The following CYP27C1 variants were observed in gnomAD, a reference collection of about 807,000 sequenced individuals.
The protein encoded by CYP27C1 is cytochrome P450 27C1.
Under a neutral mutation model 40.6 loss-of-function variants are expected in CYP27C1, and 29 were observed. The ratio of observed to expected loss-of-function variants is 0.71; its 90% CI spans 0.53 to 0.97. The LOEUF is 0.97. Among genes scored for constraint, CYP27C1 ranks in the 50% least tolerant of loss-of-function variants. The pLI, the probability that CYP27C1 is intolerant of heterozygous loss-of-function variation, is 0.00. For missense variants in CYP27C1, 390 were observed against 485.8 expected (o/e 0.80, Z 1.85); for synonymous variants, 198 against 186.8 (o/e 1.06, Z -0.49).
Position 127,204,616 on chromosome 2 carries a change from A to G in CYP27C1, c.474-1045T>C, listed in dbSNP as rs983292214. On this transcript the variant is annotated intron_variant, in intron 2 of 8. Transcript: ENST00000664447. ...AAGAAAGAAAGAAAGAAAGAAAGAAAGAAAGAAAGAAGACTGCAGCTTGTT... is the reference window on the plus strand; with the variant it reads ...AAGAAAGAAAGAAAGAAAGAAAGAAGGAAAGAAAGAAGACTGCAGCTTGTT... 9.9e-4 allele frequency among the ~76,000 whole-genome samples: 103 copies of G among 103,614 alleles called. 2 individuals are homozygous for G. In the South Asian group the frequency reaches 1.0e-2, roughly 10 times the overall value. 68.0% of individuals were successfully genotyped at this position (103,614 alleles called of 152,430 possible).
chr2:127,193,994 T>C, intron 6 of CYP27C1, 127 bp from the exon 7 acceptor site: 6 of 1,058,008 alleles, frequency 5.7e-6, no homozygotes, highest in Non-Finnish European at 4.1e-6. Context: ...TGGTACATTT[T>C]CAACTGAAAC....
chr2:127,193,103 G>A lies in CYP27C1; in HGVS notation c.1488C>T (p.Val496=), dbSNP rs193171017. 4.3e-5 allele frequency: 69 copies of A among 1,614,132 alleles called. 1 individual carries two copies. In the Middle Eastern group the frequency reaches 4.9e-4, roughly 12 times the overall value. The change falls in exon 8 of 9, where the codon GTC becomes GTT. Residue 496 remains valine, a synonymous_variant. Coordinates refer to ENST00000664447, the MANE Select transcript of CYP27C1 (RefSeq NM_001367502.1). ...RRIAELEIHL[V]VIQLLQHFEI... ...GGCCTCCACGCCCTACCTGGATCAC[G>A]ACGAGGTGAATCTCCAGTTCTGCAA...
At chr2:127,214,895 G>A (rs1683401210) in intron 1 of CYP27C1, among the ~76,000 whole-genome samples, 1 of 148,920 alleles carries the variant, frequency 6.7e-6, no homozygotes. Flanking sequence ...CTGGGAGGCC[G>A]AGGTGGGCAG....
At chr2:127,190,636 G>A (rs1044372549) in intron 8 of CYP27C1, among the ~76,000 whole-genome samples, 16 of 149,780 alleles carry the variant, frequency 1.1e-4, no homozygotes, top group African/African-American at 3.9e-4. Context: ...CACAGTGCCT[G>A]GCTTTTTTCT....
At chr2:127,215,162 A>G (rs933467024) in intron 1 of CYP27C1, among the ~76,000 whole-genome samples, 24 of 151,976 alleles carry the variant, frequency 1.6e-4, no homozygotes, top group African/African-American at 5.6e-4. Context: ...GTACAAAGCT[A>G]CAGTAACCAA....
rs199549525 is a variant in CYP27C1, at chr2:127,203,477, C to G, written c.568G>C (p.Val190Leu). ...VAIYSGEVNQVIADLIKRIYL... is the reference protein window; with the variant it reads ...VAIYSGEVNQLIADLIKRIYL... ...ATTCTTTTAATTAAGTCAGCAATAA[C>G]TTGGTTGACTTCTCCAGAATAAATG... The change falls in exon 3 of 9, where the codon GTT becomes CTT. Residue 190 changes from valine (V) to leucine (L), a missense_variant. Transcript: ENST00000664447. 116 of 1,613,936 alleles carry G rather than the reference C, an allele frequency of 7.2e-5. No homozygotes were observed. Among genetic ancestry groups the G allele is most frequent in the Non-Finnish European group, 9.3e-6 (11 of 1,180,016 alleles).
Position 127,185,545 on chromosome 2 carries a change from T to C in CYP27C1, c.*1726A>G, listed in dbSNP as rs1682605993. ...TATACTGCTACCTCAAAGTAATCAA[T>C]CCAACACTTGGCCAGTTAATATGAC... On this transcript the variant is annotated 3_prime_UTR_variant, in exon 9 of 9. Transcript: ENST00000664447. This position sits in a 1 kb window ranked among gnomAD's most constrained non-coding sequence, Gnocchi z 4.9. 6.6e-6 allele frequency: 1 copy of C among 152,190 alleles called. No homozygotes were observed. The highest frequency in any genetic ancestry group is 1.5e-5 in the Non-Finnish European group (1 of 68,026). The allele number at this position is 152,190 out of a possible 1,614,324, so 9.4% of individuals were successfully genotyped here. A position where few individuals can be genotyped will look rare whatever the true frequency, so the allele number is the denominator to read the frequency against.
intron 3 of CYP27C1, 30 bp downstream of exon 3, chr2:127,203,342 C>T: frequency 1.2e-6 from 2 of 1,603,462 alleles, no homozygotes. Flanking sequence ...TCCATTCTTC[C>T]CTCCTTCCCA....
chr2:127,218,990 G>T lies in CYP27C1; in HGVS notation c.282+999C>A, dbSNP rs1683495427. On this transcript the variant is annotated intron_variant, in intron 1 of 8. Coordinates refer to ENST00000664447, the MANE Select transcript of CYP27C1 (RefSeq NM_001367502.1). This position sits in a 1 kb window ranked among gnomAD's most constrained non-coding sequence, Gnocchi z 6.0. ...AATTCGCCGGCCCCAACGCCCTAGC[G>T]GGTGGCTGGGACCCCTGGGTTCCTC... 6.6e-6 allele frequency among the ~76,000 whole-genome samples: 1 copy of T among 152,114 alleles called. No homozygotes were observed. Among genetic ancestry groups the T allele is most frequent in the Non-Finnish European group, 1.5e-5 (1 of 67,996 alleles).
At chr2:127,192,893 C>T (rs1244390064) in intron 8 of CYP27C1, among the ~76,000 whole-genome samples, 1 of 152,226 alleles carries the variant, frequency 6.6e-6, no homozygotes, top group Non-Finnish European at 1.5e-5. Flanking sequence ...TCACTGCAGC[C>T]TTGAACTCCT....
chr2:127,215,314 G>T (rs1683411045), intron 1 of CYP27C1, among the ~76,000 whole-genome samples: 1 of 152,004 alleles, frequency 6.6e-6, no homozygotes, highest in African/African-American at 2.4e-5. Flanking sequence ...AGGGACAACT[G>T]GATAGCCACA....
At chr2:127,203,029 G>C (rs1160826423) in intron 3 of CYP27C1, among the ~76,000 whole-genome samples, 1 of 152,108 alleles carries the variant, frequency 6.6e-6, no homozygotes, top group African/African-American at 2.4e-5. Flanking sequence ...TTAGCCGGGA[G>C]TGGTGGCAGG....
Position 127,184,229 on chromosome 2 carries a change from C to T in CYP27C1, c.*3042G>A, listed in dbSNP as rs1010331404. 1.3e-5 allele frequency: 2 copies of T among 152,086 alleles called. No individual in the cohort carries two copies. Among genetic ancestry groups the T allele is most frequent in the Admixed American group, 6.6e-5 (1 of 15,266 alleles). The allele number at this position is 152,086 out of a possible 1,614,324, so 9.4% of individuals were successfully genotyped here. ...CCCGAGTTGCTCTCTTTTTTTCATG[C>T]ATTGGAAGAATTAATATTTTTGGCT... On this transcript the variant is annotated 3_prime_UTR_variant, in exon 9 of 9. Coordinates refer to ENST00000664447, the MANE Select transcript of CYP27C1 (RefSeq NM_001367502.1).
intron 1 of CYP27C1, among the ~76,000 whole-genome samples, chr2:127,213,317 A>AAC (rs1683368582): frequency 6.8e-6 from 1 of 146,172 alleles, no homozygotes; most frequent in Admixed American, 6.8e-5. Flanking sequence ...GAAAAAAAAA[A>AAC]ACTTAAATTT....
At chr2:127,211,375 T>G (rs796835148) in intron 1 of CYP27C1, among the ~76,000 whole-genome samples, 29 of 89,424 alleles carry the variant, frequency 3.2e-4, no homozygotes, top group South Asian at 1.5e-3. Flanking sequence ...TTTTGTTTTT[T>G]TTTTTTTTTT....
intron 1 of CYP27C1, among the ~76,000 whole-genome samples, chr2:127,207,408 C>A (rs527848363): frequency 5.3e-5 from 8 of 152,290 alleles, no homozygotes; most frequent in African/African-American, 1.9e-4. Flanking sequence ...GCAGTAGAAT[C>A]GCTTGAACCC....
At chr2:127,202,897 A>G (rs574011984) in intron 3 of CYP27C1, among the ~76,000 whole-genome samples, 32 of 152,260 alleles carry the variant, frequency 2.1e-4, no homozygotes, top group East Asian at 1.4e-3. Flanking sequence ...AGCCAGGTGC[A>G]GTGGCTCATG....
At position 127,187,370 on chromosome 2, in the gene CYP27C1, CT is replaced by C; in HGVS notation, c.1514del (p.Glu505GlyfsTer19). 6.2e-7 allele frequency: 1 copy of C among 1,614,064 alleles called. No individual in the cohort carries two copies. Among genetic ancestry groups the C allele is most frequent in the Non-Finnish European group, 8.5e-7 (1 of 1,179,948 alleles). ...LVVIQLLQHF[E>X]IKTSSQTNAV... ...CATTGGTCTGAGAAGATGTTTTGAT[CT>C]CAAAATGTTGAAGCAACTAAGAAGA... On this transcript the variant is annotated frameshift_variant, in exon 9 of 9. Coordinates refer to ENST00000664447, the MANE Select transcript of CYP27C1 (RefSeq NM_001367502.1). LOFTEE classifies it high-confidence loss of function.
intron 8 of CYP27C1, among the ~76,000 whole-genome samples, chr2:127,192,622 G>T (rs371426772): frequency 4.6e-5 from 2 of 43,324 alleles, no homozygotes; most frequent in East Asian, 1.5e-3. Flanking sequence ...CCTTTCCCGG[G>T]GGGGGGGGCT....
Sources: allele counts gnomAD v4.1 joint callset (sites outside exome capture counted in the v4.1 genomes callset), GRCh38; gene constraint gnomAD v4.1.1; non-coding constraint Gnocchi (gnomAD v3.1); transcripts MANE v1.5; gene names NCBI Gene and HGNC (gene_info 2026-07-23, HGNC 2026-07-21).